Variants in SLC10A7 observed in about 807,000 individuals in gnomAD.
SLC10A7 encodes the protein solute carrier family 10 member 7, also known as sodium/bile acid cotransporter 7.
In SLC10A7, 29 loss-of-function variants were observed where a neutral mutation model predicts 43.2. The ratio of observed to expected loss-of-function variants is 0.67; its 90% CI spans 0.50 to 0.92. The LOEUF is 0.92. SLC10A7 is among the 40% of genes least tolerant of loss of function. The probability of loss-of-function intolerance (pLI) is 0.00; values close to 1 mark genes in which losing one functional copy is unlikely to be tolerated. For missense variants in SLC10A7, 295 were observed against 403.2 expected, an observed-to-expected ratio of 0.73 and a Z score of 2.30; for synonymous variants, 152 against 144.8, an observed-to-expected ratio of 1.05 and a Z score of -0.35.
rs140809624 is a variant in SLC10A7 at position 146,418,002 on chromosome 4, AGATGATGATGAT to A, written c.435+24769_435+24780del. ...AGTTCTGAACAGACAATATCTGAAC[AGATGATGATGAT>A]GATGATGATGATGATGATGATGATG... On this transcript the variant is annotated intron_variant, in intron 5 of 11. Coordinates refer to ENST00000335472, the MANE Select transcript of SLC10A7 (RefSeq NM_001029998.6). Among the ~76,000 whole-genome samples the A allele has an allele frequency of 1.3e-3, 187 of 147,346 alleles. 1 individual carries two copies. Among genetic ancestry groups the A allele is most frequent in the African/African-American group, 4.2e-3 (168 of 39,894 alleles).
chr4:146,414,292 A>C (rs1250606938), intron 5 of SLC10A7, among the ~76,000 whole-genome samples: 2 of 152,208 alleles, frequency 1.3e-5, no homozygotes, highest in African/African-American at 2.4e-5. Context: ...AAACACACCC[A>C]TGTGCCCCCA....
At chr4:146,367,266 G>A (rs1736460148) in intron 5 of SLC10A7, among the ~76,000 whole-genome samples, 1 of 152,018 alleles carries the variant, frequency 6.6e-6, no homozygotes, top group South Asian at 2.1e-4. Context: ...TCTCTGTTGA[G>A]GCTTTACCTA....
intron 10 of SLC10A7, among the ~76,000 whole-genome samples, chr4:146,268,256 C>T (rs1275840791): frequency 6.6e-6 from 1 of 152,152 alleles, no homozygotes; most frequent in Non-Finnish European, 1.5e-5. Context: ...TTATGTAAAA[C>T]TTTCCTAAGA....
At chr4:146,357,430 C>T (rs1271146967) in intron 5 of SLC10A7, among the ~76,000 whole-genome samples, 1 of 152,146 alleles carries the variant, frequency 6.6e-6, no homozygotes, top group Admixed American at 6.5e-5. Context: ...AACCCTGCAG[C>T]ACTTAATACT....
At chr4:146,429,727 C>A (rs1008110854) in intron 5 of SLC10A7, among the ~76,000 whole-genome samples, 2 of 151,872 alleles carry the variant, frequency 1.3e-5, no homozygotes, top group Non-Finnish European at 2.9e-5. Context: ...GCTAAATAAC[C>A]ATAAAAGGAA....
chr4:146,379,176 T>C (rs1048069242), intron 5 of SLC10A7, among the ~76,000 whole-genome samples: 1 of 152,176 alleles, frequency 6.6e-6, no homozygotes, highest in Non-Finnish European at 1.5e-5. Context: ...CACAAAACCA[T>C]TAGGATCCTA....
intron 5 of SLC10A7, among the ~76,000 whole-genome samples, chr4:146,369,974 A>C (rs1736653377): frequency 6.6e-6 from 1 of 152,202 alleles, no homozygotes; most frequent in Non-Finnish European, 1.5e-5. Flanking sequence ...AACACTAAAA[A>C]TAATTTGCAA....
intron 5 of SLC10A7, among the ~76,000 whole-genome samples, chr4:146,405,780 A>C (rs909726669): frequency 6.6e-6 from 1 of 152,010 alleles, no homozygotes; most frequent in African/African-American, 2.4e-5. Flanking sequence ...ATTTTAACTA[A>C]CTCTTAATGC....
chr4:146,433,947 A>G (rs771534391), intron 5 of SLC10A7, among the ~76,000 whole-genome samples: 85 of 152,182 alleles, frequency 5.6e-4, no homozygotes, highest in Non-Finnish European at 1.1e-3. Context: ...ACCCATTTAC[A>G]TTATCCTTAA....
At chr4:146,467,781 T>C (rs1733178585) in intron 4 of SLC10A7, among the ~76,000 whole-genome samples, 1 of 152,120 alleles carries the variant, frequency 6.6e-6, no homozygotes, top group African/African-American at 2.4e-5. Context: ...CAGACTGGTC[T>C]CAAACTCGTG....
chr4:146,517,131 A>G lies in SLC10A7; in HGVS notation c.101-11T>C, dbSNP rs1165113077. 6.3e-7 allele frequency: 1 copy of G among 1,588,350 alleles called. No homozygotes were observed. Among genetic ancestry groups the G allele is most frequent in the Admixed American group, 1.8e-5 (1 of 55,904 alleles). ...CTGGCTTCAGTGGTCCTAAAAAGAG[A>G]AAAAAGAGTTATTGCTAGAAAAGAA... On this transcript the variant is annotated splice_polypyrimidine_tract_variant and intron_variant, in intron 1 of 11. Transcript: ENST00000335472.
intron 9 of SLC10A7, among the ~76,000 whole-genome samples, chr4:146,287,003 G>C (rs1007683341): frequency 2.3e-3 from 327 of 145,272 alleles, no homozygotes; most frequent in East Asian, 9.0e-3. Context: ...GTGGTGAGAA[G>C]GACTGTGTTT....
At chr4:146,318,602 C>T (rs1349677251) in intron 6 of SLC10A7, among the ~76,000 whole-genome samples, 1 of 151,950 alleles carries the variant, frequency 6.6e-6, no homozygotes, top group East Asian at 1.9e-4. Flanking sequence ...ATTTAAAACC[C>T]ATCCAGATGC....
chr4:146,401,086 CTGAG>C, intron 5 of SLC10A7, among the ~76,000 whole-genome samples: 1 of 152,266 alleles, frequency 6.6e-6, no homozygotes, highest in South Asian at 2.1e-4. Context: ...AATTTGCTAG[CTGAG>C]TAAGGAATCA....
At chr4:146,436,278 CAAAG>C (rs1451551786) in intron 5 of SLC10A7, among the ~76,000 whole-genome samples, 1 of 152,042 alleles carries the variant, frequency 6.6e-6, no homozygotes, top group African/African-American at 2.4e-5. Context: ...TATTAAGTAA[CAAAG>C]ACCATTTTTT....
chr4:146,468,785 T>C (rs1195732399), intron 4 of SLC10A7, among the ~76,000 whole-genome samples: 1 of 152,182 alleles, frequency 6.6e-6, no homozygotes, highest in Non-Finnish European at 1.5e-5. Flanking sequence ...AAATACAGTG[T>C]TTAATTCTTA....
At chr4:146,256,641 T>G in intron 11 of SLC10A7, 121 bp from the exon 12 acceptor site, 2 of 1,139,764 alleles carry the variant, frequency 1.8e-6, no homozygotes, top group Non-Finnish European at 2.6e-6. Context: ...GATGGCATCA[T>G]ATAACCAATA....
chr4:146,413,842 A>T (rs1728371081), intron 5 of SLC10A7, among the ~76,000 whole-genome samples: 2 of 152,160 alleles, frequency 1.3e-5, no homozygotes, highest in Non-Finnish European at 2.9e-5. Context: ...AGTATCCTTG[A>T]GAGAGAAAGA....
At chr4:146,427,962 G>C (rs1214749593) in intron 5 of SLC10A7, among the ~76,000 whole-genome samples, 2 of 151,918 alleles carry the variant, frequency 1.3e-5, no homozygotes, top group Admixed American at 6.5e-5. Flanking sequence ...CTTGAGCCCA[G>C]GTGATCAAGA....
Sources: gnomAD v4.1 joint callset for allele counts (sites outside exome capture counted in the v4.1 genomes callset) on GRCh38, gnomAD v4.1.1 for gene constraint, MANE v1.5 for transcripts, NCBI Gene and HGNC (gene_info 2026-07-23, HGNC 2026-07-21) for gene names.